GPC6: variants seen among roughly 807,000 people sequenced by gnomAD.
The protein encoded by GPC6 is glypican 6, also known as glypican-6.
Under a neutral mutation model 55.2 loss-of-function variants are expected in GPC6, and 14 were observed. The ratio of observed to expected loss-of-function variants is 0.25; its 90% CI spans 0.17 to 0.40. The LOEUF (loss-of-function observed/expected upper bound fraction) is 0.40. Ranked by LOEUF, GPC6 falls within the 10% of genes least tolerant of loss-of-function variation. GPC6 has a pLI of 1.00. For synonymous variants in GPC6, 278 were observed against 259.6 expected, an observed-to-expected ratio of 1.07 and a Z score of -0.68; for missense variants, 641 against 708.5, an observed-to-expected ratio of 0.90 and a Z score of 1.08.
At chr13:94,144,312 G>A (rs920330809) in intron 4 of GPC6, among the ~76,000 whole-genome samples, 7 of 151,358 alleles carry the variant, frequency 4.6e-5, no homozygotes, top group Admixed American at 2.6e-4. Flanking sequence ...CAAAATATAC[G>A]CAGTGTGGAT....
the GPC6 span, among the ~76,000 whole-genome samples, chr13:93,221,182 A>G: frequency 6.6e-6 from 1 of 152,212 alleles, no homozygotes; most frequent in East Asian, 1.9e-4. Flanking sequence ...AATCATTGTG[A>G]TATCTTAATA....
intron 4 of GPC6, among the ~76,000 whole-genome samples, chr13:94,257,867 C>G (rs1566602232): frequency 6.6e-6 from 1 of 152,080 alleles, no homozygotes; most frequent in Non-Finnish European, 1.5e-5. Flanking sequence ...AGACAGACAA[C>G]AAAGAGTGGG....
intron 4 of GPC6, among the ~76,000 whole-genome samples, chr13:94,252,062 T>C (rs1295954206): frequency 6.6e-6 from 1 of 152,110 alleles, no homozygotes; most frequent in Non-Finnish European, 1.5e-5. Context: ...ACTGTGGAAC[T>C]CCTGTCATTC....
intron 2 of GPC6, among the ~76,000 whole-genome samples, chr13:93,763,489 C>T (rs995457556): frequency 5.9e-5 from 9 of 152,258 alleles, no homozygotes; most frequent in African/African-American, 1.9e-4. Flanking sequence ...CAGCTGTTTC[C>T]CTGCACCTAC....
chr13:93,887,899 C>T (rs76928233), intron 3 of GPC6, among the ~76,000 whole-genome samples: 61 of 152,196 alleles, frequency 4.0e-4, no homozygotes, highest in Non-Finnish European at 5.4e-4. Flanking sequence ...GATCTGACCA[C>T]CAAATGGCAT....
intron 1 of GPC6, among the ~76,000 whole-genome samples, chr13:93,258,288 G>A (rs1234591866): frequency 1.2e-4 from 18 of 152,174 alleles, no homozygotes; most frequent in Admixed American, 1.2e-3. Flanking sequence ...CAAAGAAGCA[G>A]CAACAGTGAA....
chr13:93,308,876 T>G lies in GPC6; in HGVS notation c.160+81260T>G, dbSNP rs371693315. Reference sequence around the variant, plus strand: ...ATGTTTTATATGTATTTAGTTTATTTCAGTGGGAATACTGATCATCATTGT... The same window carrying G: ...ATGTTTTATATGTATTTAGTTTATTGCAGTGGGAATACTGATCATCATTGT... On this transcript the variant is annotated intron_variant, in intron 1 of 8. Coordinates refer to ENST00000377047, the MANE Select transcript of GPC6 (RefSeq NM_005708.5). Among the ~76,000 whole-genome samples the G allele has an allele frequency of 1.3e-4, 20 of 152,372 alleles. No individual in the cohort carries two copies. In the East Asian group the frequency reaches 1.7e-3, roughly 13 times the overall value.
chr13:93,655,003 A>ATTTTTTTTTT (rs3884231), intron 2 of GPC6, among the ~76,000 whole-genome samples: 10 of 104,742 alleles, frequency 9.5e-5, no homozygotes, highest in Non-Finnish European at 1.3e-4. Flanking sequence ...TGCCCGGCTA[A>ATTTTTTTTTT]TTTTTTTTTT....
At chr13:93,375,210 A>G (rs1228799219) in intron 1 of GPC6, among the ~76,000 whole-genome samples, 1 of 152,166 alleles carries the variant, frequency 6.6e-6, no homozygotes, top group African/African-American at 2.4e-5. Flanking sequence ...GTCTGGGTCT[A>G]TTTTTGGAAC....
intron 4 of GPC6, among the ~76,000 whole-genome samples, chr13:94,251,524 C>A (rs997350899): frequency 2.0e-5 from 3 of 151,262 alleles, no homozygotes; most frequent in African/African-American, 7.3e-5. Flanking sequence ...CTATACAAAG[C>A]CCCCAAATCC....
At chr13:94,334,302 T>C (rs61628218) in intron 6 of GPC6, among the ~76,000 whole-genome samples, 22,983 of 152,212 alleles carry the variant, frequency 0.15, 1,998 homozygotes, top group East Asian at 0.31. Context: ...TGGAGACCAC[T>C]GTTTGCTGGC....
At chr13:93,476,062 A>G (rs1364774722) in intron 1 of GPC6, among the ~76,000 whole-genome samples, 1 of 151,872 alleles carries the variant, frequency 6.6e-6, no homozygotes, top group African/African-American at 2.4e-5. Flanking sequence ...ATTTTTTCAT[A>G]TTAGTATGGT....
intron 4 of GPC6, among the ~76,000 whole-genome samples, chr13:94,087,073 G>C (rs1885310512): frequency 6.6e-6 from 1 of 152,176 alleles, no homozygotes. Flanking sequence ...TTAAGGAAAA[G>C]TTCTCTCAGT....
At chr13:93,742,943 G>T (rs1340105451) in intron 2 of GPC6, among the ~76,000 whole-genome samples, 1 of 152,124 alleles carries the variant, frequency 6.6e-6, no homozygotes, top group Non-Finnish European at 1.5e-5. Flanking sequence ...TGAGTGGGTA[G>T]ATCTACACGG....
intron 4 of GPC6, among the ~76,000 whole-genome samples, chr13:94,058,394 A>C (rs968789444): frequency 3.3e-5 from 5 of 152,128 alleles, no homozygotes; most frequent in African/African-American, 1.2e-4. Context: ...TCATGCATTC[A>C]TTTATTCATT....
intron 1 of GPC6, among the ~76,000 whole-genome samples, chr13:93,258,658 G>A (rs1042841315): frequency 6.6e-6 from 1 of 152,132 alleles, no homozygotes; most frequent in Non-Finnish European, 1.5e-5. Context: ...CCTCCATGGG[G>A]GTGGGTACAA....
At chr13:93,392,125 C>T in intron 1 of GPC6, among the ~76,000 whole-genome samples, 1 of 152,142 alleles carries the variant, frequency 6.6e-6, no homozygotes, top group Admixed American at 6.5e-5. Flanking sequence ...TCTCAAATAT[C>T]CTTTTCTCTC....
At chr13:93,735,522 A>G (rs562789466) in intron 2 of GPC6, among the ~76,000 whole-genome samples, 2 of 147,898 alleles carry the variant, frequency 1.4e-5, no homozygotes, top group South Asian at 4.2e-4. Flanking sequence ...CTCCATCTCA[A>G]AAAAAAAAAA....
intron 3 of GPC6, among the ~76,000 whole-genome samples, chr13:94,006,937 TCTC>T (rs1882044943): frequency 6.6e-6 from 1 of 152,188 alleles, no homozygotes; most frequent in East Asian, 1.9e-4. Context: ...AAATTTTCCT[TCTC>T]ATGTTTTCCA....
Sources: allele counts gnomAD v4.1 joint callset (sites outside exome capture counted in the v4.1 genomes callset), GRCh38; gene constraint gnomAD v4.1.1; transcripts MANE v1.5; gene names NCBI Gene and HGNC (gene_info 2026-07-23, HGNC 2026-07-21).